PTPRN2: variants seen among roughly 807,000 people sequenced by gnomAD.
PTPRN2 encodes protein tyrosine phosphatase receptor type N2, also known as receptor-type tyrosine-protein phosphatase N2.
PTPRN2 carries 74 observed loss-of-function variants against 118.8 expected under a neutral mutation model. The ratio of observed to expected loss-of-function variants is 0.62; its 90% CI spans 0.52 to 0.76. PTPRN2 has a LOEUF of 0.76. PTPRN2 is among the 30% of genes least tolerant of loss of function. The probability of loss-of-function intolerance (pLI) is 0.00; values close to 1 mark genes in which losing one functional copy is unlikely to be tolerated. For synonymous variants in PTPRN2, 641 were observed against 608.0 expected (o/e 1.05, Z -0.80); for missense variants, 1,481 against 1,394.4 (o/e 1.06, Z -0.99).
intron 15 of PTPRN2, among the ~76,000 whole-genome samples, chr7:157,604,636 T>G (rs1801892748): frequency 1.3e-5 from 2 of 152,206 alleles, no homozygotes; most frequent in Admixed American, 6.5e-5. Flanking sequence ...GTCCTCAAGA[T>G]TACTGGAATT....
Position 158,546,441 on chromosome 7 carries a change from C to T in PTPRN2, c.112+41117G>A, listed in dbSNP as rs1459637024. On this transcript the variant is annotated intron_variant, in intron 1 of 22. Coordinates refer to ENST00000389418, the MANE Select transcript of PTPRN2 (RefSeq NM_002847.5). The surrounding 1 kb of genome is among the most constrained non-coding windows in gnomAD (Gnocchi z 5.0). The stretch of plus-strand genomic sequence containing the variant: ...GCCCGGAATGGTGCTGGAATCACAG[C>T]CGCCGGGTTAAGGGGCTCATGGCGG... Among the ~76,000 whole-genome samples, 1 of 152,238 alleles carries T rather than the reference C, an allele frequency of 6.6e-6. No individual in the cohort carries two copies. Among genetic ancestry groups the T allele is most frequent in the Non-Finnish European group, 1.5e-5 (1 of 68,032 alleles).
At chr7:157,692,250 G>T (rs1433933422) in intron 12 of PTPRN2, among the ~76,000 whole-genome samples, 6 of 151,996 alleles carry the variant, frequency 3.9e-5, no homozygotes, top group African/African-American at 1.4e-4. Flanking sequence ...GCTGCCCGCG[G>T]CGCCCGCTCC....
At chr7:157,547,506 AC>A (rs1798381429) in intron 22 of PTPRN2, among the ~76,000 whole-genome samples, 1 of 152,012 alleles carries the variant, frequency 6.6e-6, no homozygotes, top group African/African-American at 2.4e-5. Context: ...GCTCATGAGA[AC>A]TTTTTTGTTT....
intron 11 of PTPRN2, among the ~76,000 whole-genome samples, chr7:158,070,484 CTG>C (rs1811184480): frequency 1.5e-5 from 1 of 67,352 alleles, no homozygotes; most frequent in South Asian, 5.3e-4. Flanking sequence ...GGAGGTGCTC[CTG>C]GTGGTGGAGG....
Position 157,822,207 on chromosome 7 carries a change from T to C in PTPRN2, c.1788+76466A>G, listed in dbSNP as rs1462718477. Among the ~76,000 whole-genome samples the C allele has an allele frequency of 2.0e-5, 3 of 151,782 alleles. No individual in the cohort carries two copies. In the East Asian group the frequency reaches 5.8e-4, roughly 29 times the overall value. Reference sequence around the variant, plus strand: ...ATCCAAATACTCATCCATCCATCTATATACGATCCATTATCCATCTATACA... The same window carrying C: ...ATCCAAATACTCATCCATCCATCTACATACGATCCATTATCCATCTATACA... On this transcript the variant is annotated intron_variant, in intron 12 of 22. Coordinates refer to ENST00000389418, the MANE Select transcript of PTPRN2 (RefSeq NM_002847.5).
intron 3 of PTPRN2, among the ~76,000 whole-genome samples, chr7:158,258,336 G>A (rs1487723126): frequency 6.6e-6 from 1 of 152,240 alleles, no homozygotes; most frequent in Non-Finnish European, 1.5e-5. Flanking sequence ...GCGTGGAAAG[G>A]GCTCTGGTGC....
At chr7:158,285,035 C>T (rs920479263) in intron 3 of PTPRN2, among the ~76,000 whole-genome samples, 21 of 152,346 alleles carry the variant, frequency 1.4e-4, no homozygotes, top group African/African-American at 5.1e-4. Context: ...TCACGCTCGT[C>T]ATCTCAGTAA....
At chr7:157,753,612 G>A (rs920443512) in intron 12 of PTPRN2, among the ~76,000 whole-genome samples, 4 of 151,248 alleles carry the variant, frequency 2.6e-5, no homozygotes, top group African/African-American at 7.3e-5. Context: ...TCGAAGCTCC[G>A]TTCTCTACCA....
chr7:158,274,863 C>T (rs1798856391), intron 3 of PTPRN2, among the ~76,000 whole-genome samples: 1 of 152,140 alleles, frequency 6.6e-6, no homozygotes, highest in Non-Finnish European at 1.5e-5. Context: ...AGAATTCATT[C>T]CGAATATTTA....
intron 12 of PTPRN2, among the ~76,000 whole-genome samples, chr7:157,814,172 C>T: frequency 6.6e-6 from 1 of 152,226 alleles, no homozygotes; most frequent in East Asian, 1.9e-4. Flanking sequence ...CTGGGCTTGG[C>T]CTCCATCTTG....
chr7:157,880,385 A>G (rs1049343227), intron 12 of PTPRN2, among the ~76,000 whole-genome samples: 1 of 152,266 alleles, frequency 6.6e-6, no homozygotes, highest in African/African-American at 2.4e-5. Flanking sequence ...ACTGCCAAAG[A>G]AGTAAAATTG....
chr7:158,112,070 A>G (rs1408906389), intron 9 of PTPRN2, among the ~76,000 whole-genome samples: 1 of 152,154 alleles, frequency 6.6e-6, no homozygotes, highest in African/African-American at 2.4e-5. Flanking sequence ...GACCCTCCTC[A>G]GCCTCAGGGG....
chr7:158,149,275 A>T (rs953296271), intron 6 of PTPRN2, among the ~76,000 whole-genome samples: 13 of 152,032 alleles, frequency 8.6e-5, no homozygotes, highest in African/African-American at 2.4e-4. Context: ...CAACCAAAAG[A>T]CCTCCAAACT....
chr7:158,541,898 T>A, intron 1 of PTPRN2: 1 of 228,010 alleles, frequency 4.4e-6, no homozygotes, highest in Non-Finnish European at 7.3e-6. Flanking sequence ...TGAGGCTTGT[T>A]AAGTCTGTTC....
chr7:158,261,364 C>T (rs974244130), intron 3 of PTPRN2, among the ~76,000 whole-genome samples: 5 of 152,078 alleles, frequency 3.3e-5, no homozygotes, highest in East Asian at 1.9e-4. Flanking sequence ...ATAAAGCACA[C>T]GAACTTGTGA....
chr7:158,150,671 G>C (rs78896394), intron 6 of PTPRN2, among the ~76,000 whole-genome samples: 16 of 152,000 alleles, frequency 1.1e-4, no homozygotes, highest in Non-Finnish European at 2.4e-4. Context: ...ACCCAGGGGG[G>C]TCACTGAGGT....
intron 6 of PTPRN2, among the ~76,000 whole-genome samples, chr7:158,144,235 A>G (rs1290175603): frequency 6.6e-6 from 1 of 152,232 alleles, no homozygotes; most frequent in Admixed American, 6.5e-5. Flanking sequence ...TGATCCACAA[A>G]TAAACTTTTC....
rs536131725 is a variant in PTPRN2 at position 157,757,134 on chromosome 7, G to A, written c.1789-74197C>T. ...TAAAACCTCCCCCACCCCCTAAAGA[G>A]ATCATTATTGTTACGACATAGAAAA... is the stretch of plus-strand genomic sequence containing the variant. On this transcript the variant is annotated intron_variant, in intron 12 of 22. Coordinates refer to ENST00000389418, the MANE Select transcript of PTPRN2 (RefSeq NM_002847.5). Among the ~76,000 whole-genome samples the A allele has an allele frequency of 1.6e-4, 24 of 150,818 alleles. No homozygotes were observed. The South Asian group carries it at 4.2e-3, about 27-fold the overall frequency.
Position 157,953,360 on chromosome 7 carries a change from G to A in PTPRN2, c.1724-54623C>T, listed in dbSNP as rs1448287517. Among the ~76,000 whole-genome samples, 14 of 152,046 alleles carry A rather than the reference G, an allele frequency of 9.2e-5. No homozygotes were observed. Among genetic ancestry groups the A allele is most frequent in the African/African-American group, 1.7e-4 (7 of 41,396 alleles). ...GGAGCAGGGGCTGGCAGCACTCCCC[G>A]AGCACAGTGGGAACTCAGGAGCAGG... On this transcript the variant is annotated intron_variant, in intron 11 of 22. Coordinates refer to ENST00000389418, the MANE Select transcript of PTPRN2 (RefSeq NM_002847.5). The surrounding 1 kb of genome is among the most constrained non-coding windows in gnomAD (Gnocchi z 4.6).
Sources: allele counts gnomAD v4.1 joint callset (sites outside exome capture counted in the v4.1 genomes callset), GRCh38; gene constraint gnomAD v4.1.1; non-coding constraint Gnocchi (gnomAD v3.1); transcripts MANE v1.5; gene names NCBI Gene and HGNC (gene_info 2026-07-23, HGNC 2026-07-21).